ARMH1: variants seen among roughly 807,000 people sequenced by gnomAD.
The protein encoded by ARMH1 is armadillo like helical domain containing 1.
ARMH1 carries 34 observed loss-of-function variants against 50.2 expected under a neutral mutation model. That is an observed-to-expected ratio of 0.68 (90% confidence interval 0.51 to 0.90). ARMH1 has a LOEUF of 0.90. Ranked by LOEUF, ARMH1 falls within the 40% of genes least tolerant of loss-of-function variation. ARMH1 has a pLI of 0.00. For missense variants in ARMH1, 538 were observed against 553.9 expected (o/e 0.97, Z 0.29); for synonymous variants, 221 against 224.2 (o/e 0.99, Z 0.13).
chr1:44,686,750 G>GA (rs142199012), intron 1 of ARMH1, among the ~76,000 whole-genome samples: 1 of 151,378 alleles, frequency 6.6e-6, no homozygotes, highest in East Asian at 1.9e-4. Context: ...AGGATAGAAA[G>GA]AAAAAAAATG....
chr1:44,701,069 G>A lies in ARMH1; in HGVS notation c.589G>A (p.Glu197Lys), dbSNP rs763933805. The part of the protein sequence containing the change: ...YKGLIALLPC[E>K]SPKAQQLSLQ... ...AGGTCTAATAGCTTTGCTGCCCTGC[G>A]AGTCCCCAAAAGCCCAGCAGCTGTC... Residue 197 changes from glutamate (E) to lysine (K), a missense_variant, in exon 5 of 12, where the codon GAG (glutamate) becomes AAG (lysine). Glu to Lys is a moderately conservative substitution (Grantham distance 56, BLOSUM62 1). Coordinates refer to ENST00000535358, the MANE Select transcript of ARMH1 (RefSeq NM_001145636.2). 1.3e-4 allele frequency: 200 copies of A among 1,551,706 alleles called. 1 individual carries two copies. The South Asian group carries it at 2.0e-3, about 15-fold the overall frequency.
intron 1 of ARMH1, among the ~76,000 whole-genome samples, chr1:44,678,498 GAGAAGGA>G (rs1645206780): frequency 6.6e-6 from 1 of 152,094 alleles, no homozygotes; most frequent in African/African-American, 2.4e-5. Context: ...GAGGGTCCAT[GAGAAGGA>G]AGTGACAAAT....
At chr1:44,708,577 A>T (rs1646446173) in intron 6 of ARMH1, among the ~76,000 whole-genome samples, 1 of 151,972 alleles carries the variant, frequency 6.6e-6, no homozygotes, top group African/African-American at 2.4e-5. Flanking sequence ...GCAGAGTGGG[A>T]GGTTATTGGC....
chr1:44,691,180 C>A (rs973483812), intron 2 of ARMH1, among the ~76,000 whole-genome samples: 1 of 152,006 alleles, frequency 6.6e-6, no homozygotes, highest in Non-Finnish European at 1.5e-5. Flanking sequence ...ATCATTTGAA[C>A]CCGGGAGGCG....
intron 6 of ARMH1, chr1:44,721,807 C>CG (rs1647209601): frequency 6.6e-6 from 1 of 152,022 alleles, no homozygotes; most frequent in African/African-American, 2.4e-5. Flanking sequence ...GGCAAGACTT[C>CG]AAAAAATTTA....
chr1:44,722,493 GGAGCACTTTGGGAGGCCT>G (rs1194677778), intron 6 of ARMH1, among the ~76,000 whole-genome samples: 4 of 150,588 alleles, frequency 2.7e-5, no homozygotes, highest in East Asian at 2.0e-4. Flanking sequence ...GGTCACTTTG[GGAGCACTTTGGGAGGCCT>G]GAGCACTTTG....
rs1248576163 is a variant in ARMH1 at position 44,676,350 on chromosome 1, T to C, written c.-23+1477T>C. On this transcript the variant is annotated intron_variant, in intron 1 of 11. Transcript: ENST00000535358. ...CTGGAGTTCGCCAGATAAGTCTAACTGGAAGTTGCAGTGTGGGAGTCTATG... is the reference window on the plus strand; with the variant it reads ...CTGGAGTTCGCCAGATAAGTCTAACCGGAAGTTGCAGTGTGGGAGTCTATG... Among the ~76,000 whole-genome samples the C allele has an allele frequency of 3.3e-5, 5 of 152,206 alleles. No homozygotes were observed. The South Asian group carries it at 1.0e-3, about 32-fold the overall frequency.
chr1:44,722,282 AGT>A (rs1171605417), intron 6 of ARMH1, among the ~76,000 whole-genome samples: 8 of 152,158 alleles, frequency 5.3e-5, no homozygotes, highest in Non-Finnish European at 1.2e-4. Flanking sequence ...CCCGGTGCAC[AGT>A]GACTCACACC....
At chr1:44,701,643 A>C (rs1306483716) in intron 5 of ARMH1, among the ~76,000 whole-genome samples, 1 of 152,162 alleles carries the variant, frequency 6.6e-6, no homozygotes, top group African/African-American at 2.4e-5. Context: ...AAGATGAACC[A>C]TCAGACCGGG....
intron 6 of ARMH1, among the ~76,000 whole-genome samples, chr1:44,719,271 A>G (rs1045193510): frequency 6.6e-6 from 1 of 152,094 alleles, no homozygotes; most frequent in Non-Finnish European, 1.5e-5. Flanking sequence ...GGCCCCCTCT[A>G]GTGTGCCTCA....
At chr1:44,720,294 A>G (rs1573489269) in intron 6 of ARMH1, among the ~76,000 whole-genome samples, 2 of 151,832 alleles carry the variant, frequency 1.3e-5, no homozygotes, top group South Asian at 4.2e-4. Flanking sequence ...TCAAGCTAGG[A>G]AAGTTCTGTA....
chr1:44,680,310 G>A (rs1645266507), intron 1 of ARMH1, among the ~76,000 whole-genome samples: 2 of 152,240 alleles, frequency 1.3e-5, no homozygotes, highest in Admixed American at 1.3e-4. Context: ...CCGAGTAGCT[G>A]GGACTACAGG....
At chr1:44,723,184 T>C (rs949890613) in intron 6 of ARMH1, among the ~76,000 whole-genome samples, 9 of 152,086 alleles carry the variant, frequency 5.9e-5, no homozygotes, top group African/African-American at 1.7e-4. Context: ...ACAAAAACAT[T>C]CAATCCTTGC....
At position 44,700,943 on chromosome 1, in the gene ARMH1, T is replaced by C. The variant is rs1646056108; in HGVS notation, c.463T>C (p.Phe155Leu). The part of the protein sequence containing the change: ...ESYGVRSIAE[F>L]LAKSKSEETQ... ...CTCAGGTGTACGATCCATAGCAGAA[T>C]TTTTGGCAAAGTCTAAGTCAGAAGA... The change falls in exon 5 of 12, where the codon TTT (phenylalanine) becomes CTT (leucine). Residue 155 changes from phenylalanine to leucine, a missense_variant. Transcript: ENST00000535358. 6.4e-7 allele frequency: 1 copy of C among 1,550,762 alleles called. No individual in the cohort carries two copies. The highest frequency in any genetic ancestry group is 8.7e-7 in the Non-Finnish European group (1 of 1,146,630).
intron 6 of ARMH1, among the ~76,000 whole-genome samples, chr1:44,707,969 T>A (rs1253975214): frequency 6.6e-6 from 1 of 152,122 alleles, no homozygotes; most frequent in African/African-American, 2.4e-5. Flanking sequence ...ACAAAAAAAA[T>A]GTCTGTTGAA....
At chr1:44,696,278 A>C (rs933338133) in intron 2 of ARMH1, among the ~76,000 whole-genome samples, 1 of 151,806 alleles carries the variant, frequency 6.6e-6, no homozygotes, top group Non-Finnish European at 1.5e-5. Flanking sequence ...TGCTTCACAC[A>C]CCCCCCGCCC....
intron 6 of ARMH1, among the ~76,000 whole-genome samples, chr1:44,709,399 G>A (rs114016850): frequency 7.6e-4 from 115 of 152,272 alleles, no homozygotes; most frequent in African/African-American, 1.7e-3. Flanking sequence ...TCAGGCAGGC[G>A]CGGTGGCTCA....
intron 6 of ARMH1, among the ~76,000 whole-genome samples, chr1:44,709,769 G>A (rs573573819): frequency 3.3e-5 from 5 of 151,954 alleles, no homozygotes; most frequent in South Asian, 2.1e-4. Flanking sequence ...CCCAGGAGGC[G>A]GAGGTTGCAG....
intron 6 of ARMH1, chr1:44,721,865 G>T (rs537204686): frequency 6.6e-6 from 1 of 152,146 alleles, no homozygotes; most frequent in Non-Finnish European, 1.5e-5. Context: ...TTAGTAAAAG[G>T]CGAAAGATTT....
Sources: gnomAD v4.1 joint callset for allele counts (sites outside exome capture counted in the v4.1 genomes callset) on GRCh38, gnomAD v4.1.1 for gene constraint, MANE v1.5 for transcripts, NCBI Gene and HGNC (gene_info 2026-07-23, HGNC 2026-07-21) for gene names.